Variants in ADTRP observed in about 807,000 individuals in gnomAD.
ADTRP encodes androgen-dependent TFPI-regulating protein.
ADTRP carries 20 observed loss-of-function variants against 27.0 expected under a neutral mutation model. That is an observed-to-expected ratio of 0.74 (90% CI 0.52 to 1.08). ADTRP has a LOEUF of 1.08. ADTRP is among the 50% of genes least tolerant of loss of function. The pLI is 0.00. For missense variants in ADTRP, 251 were observed against 275.0 expected, an observed-to-expected ratio of 0.91 and a Z score of 0.62; for synonymous variants, 101 against 105.2, an observed-to-expected ratio of 0.96 and a Z score of 0.25.
intron 5 of ADTRP, among the ~76,000 whole-genome samples, chr6:11,721,367 G>T (rs9348960): frequency 0.062 from 9,478 of 152,250 alleles, 792 homozygotes; most frequent in East Asian, 0.46. Context: ...CCAAGGGTGT[G>T]GACTTTCTTC....
chr6:11,759,687 T>C lies in ADTRP; in HGVS notation c.390+6587A>G, dbSNP rs569256512. On this transcript the variant is annotated intron_variant, in intron 3 of 5. Coordinates refer to ENST00000414691, the MANE Select transcript of ADTRP (RefSeq NM_032744.4). ...ATGGTCCCCAAAGATGTCTATGTCC[T>C]AATCCCTGGAACCCGTGAATATGTT... 6.4e-4 allele frequency among the ~76,000 whole-genome samples: 97 copies of C among 152,304 alleles called. 1 individual carries two copies. The highest frequency in any genetic ancestry group is 2.1e-3 in the African/African-American group (88 of 41,568).
chr6:11,765,344 T>TTTTTG (rs1763533620), intron 3 of ADTRP, among the ~76,000 whole-genome samples: 3 of 137,480 alleles, frequency 2.2e-5, no homozygotes, highest in South Asian at 2.3e-4. Flanking sequence ...TTTTTTTTTT[T>TTTTTG]GAGGCAGAGT....
chr6:11,773,026 A>AT (rs1372569535), intron 1 of ADTRP, among the ~76,000 whole-genome samples: 2 of 152,224 alleles, frequency 1.3e-5, no homozygotes, highest in African/African-American at 2.4e-5. Context: ...TGGCTGTGGG[A>AT]TAAAACACCT....
chr6:11,751,085 A>G (rs1763032121), intron 3 of ADTRP, among the ~76,000 whole-genome samples: 1 of 152,210 alleles, frequency 6.6e-6, no homozygotes, highest in Non-Finnish European at 1.5e-5. Context: ...TTCTGGGCTC[A>G]AGCAATCCAC....
chr6:11,776,957 A>T (rs1004376442), intron 1 of ADTRP, among the ~76,000 whole-genome samples: 2 of 152,214 alleles, frequency 1.3e-5, no homozygotes, highest in Non-Finnish European at 2.9e-5. Flanking sequence ...TTTGGAATCT[A>T]AGTGGCTGGA....
intron 3 of ADTRP, among the ~76,000 whole-genome samples, chr6:11,742,773 A>T (rs1324919748): frequency 6.6e-6 from 1 of 152,218 alleles, no homozygotes; most frequent in Non-Finnish European, 1.5e-5. Flanking sequence ...GCTGCCAGTG[A>T]GGAGGTAATA....
intron 4 of ADTRP, among the ~76,000 whole-genome samples, chr6:11,723,883 A>AC (rs1762098454): frequency 6.6e-6 from 1 of 151,902 alleles, no homozygotes; most frequent in South Asian, 2.1e-4. Context: ...ACATGATGAA[A>AC]CCCCATCTCC....
intron 3 of ADTRP, among the ~76,000 whole-genome samples, chr6:11,752,637 C>T (rs1371021520): frequency 6.6e-6 from 1 of 152,194 alleles, no homozygotes; most frequent in Admixed American, 6.5e-5. Context: ...CAGCTACTCG[C>T]AGGATGAAGT....
chr6:11,770,126 C>T, intron 1 of ADTRP: 1 of 1,534,246 alleles, frequency 6.5e-7, no homozygotes, highest in Non-Finnish European at 8.8e-7. Flanking sequence ...GGTTTCTGAG[C>T]GTAGTTCAGA....
chr6:11,766,780 T>A (rs1271761564), intron 2 of ADTRP, among the ~76,000 whole-genome samples: 1 of 152,110 alleles, frequency 6.6e-6, no homozygotes, highest in East Asian at 1.9e-4. Context: ...TTGTCCACCC[T>A]CTAAATAGGC....
At chr6:11,765,670 C>T (rs1763549593) in intron 3 of ADTRP, among the ~76,000 whole-genome samples, 1 of 152,014 alleles carries the variant, frequency 6.6e-6, no homozygotes. Flanking sequence ...GACCTGGCAA[C>T]CTCATGCCAG....
intron 4 of ADTRP, among the ~76,000 whole-genome samples, chr6:11,733,481 A>G (rs1561748905): frequency 1.3e-5 from 2 of 151,778 alleles, no homozygotes; most frequent in South Asian, 4.2e-4. Flanking sequence ...GTCTCTTTTG[A>G]CCTATTCTTA....
intron 2 of ADTRP, chr6:11,767,520 G>A (rs1284563170): frequency 6.6e-6 from 1 of 152,236 alleles, no homozygotes; most frequent in Admixed American, 6.5e-5. Context: ...ACAATGACAG[G>A]TAGAAGAAGG....
chr6:11,748,103 GACTCTATGCATCTCTTTGA>G (rs1434184312), intron 3 of ADTRP, among the ~76,000 whole-genome samples: 2 of 152,162 alleles, frequency 1.3e-5, no homozygotes, highest in Non-Finnish European at 2.9e-5. Flanking sequence ...ATGTAATTAT[GACTCTATGCATCTCTTTGA>G]ACGTAAGTCA....
At chr6:11,734,105 A>C (rs172403) in intron 4 of ADTRP, among the ~76,000 whole-genome samples, 2 of 152,228 alleles carry the variant, frequency 1.3e-5, no homozygotes, top group East Asian at 3.8e-4. Flanking sequence ...TCATGTGTAT[A>C]ATCAGCTAGA....
At chr6:11,776,307 T>C (rs1265541643) in intron 1 of ADTRP, among the ~76,000 whole-genome samples, 1 of 152,158 alleles carries the variant, frequency 6.6e-6, no homozygotes, top group African/African-American at 2.4e-5. Context: ...GCAGAAAGGC[T>C]GAGGTCACGT....
intron 2 of ADTRP, chr6:11,767,603 C>A (rs146574481): frequency 3.3e-5 from 5 of 152,142 alleles, no homozygotes; most frequent in Admixed American, 6.5e-5. Flanking sequence ...TTCTAGCTAA[C>A]GAATGGAAAA....
intron 1 of ADTRP, chr6:11,770,143 A>G: frequency 1.4e-6 from 2 of 1,480,236 alleles, no homozygotes; most frequent in Non-Finnish European, 1.8e-6. Context: ...CAGATAAAGC[A>G]TTGTGGGAGG....
intron 3 of ADTRP, among the ~76,000 whole-genome samples, chr6:11,749,043 G>A (rs538848604): frequency 1.3e-5 from 2 of 152,336 alleles, no homozygotes; most frequent in Non-Finnish European, 2.9e-5. Context: ...AATGAAAGCT[G>A]GAGGACCAGT....
Sources: gnomAD v4.1 joint callset for allele counts (sites outside exome capture counted in the v4.1 genomes callset) on GRCh38, gnomAD v4.1.1 for gene constraint, MANE v1.5 for transcripts, NCBI Gene and HGNC (gene_info 2026-07-23, HGNC 2026-07-21) for gene names.